ZNF398: variants seen among roughly 807,000 people sequenced by gnomAD.
The protein encoded by ZNF398 is zinc finger protein 398.
ZNF398 carries 18 observed loss-of-function variants against 41.9 expected under a neutral mutation model. The ratio of observed to expected loss-of-function variants is 0.43; its 90% confidence interval spans 0.30 to 0.64. The LOEUF is 0.64. Among genes scored for constraint, ZNF398 ranks in the 30% least tolerant of loss-of-function variants. ZNF398 has a pLI of 0.14. For missense variants in ZNF398, 669 were observed against 822.8 expected (o/e 0.81, Z 2.29); for synonymous variants, 260 against 308.8 (o/e 0.84, Z 1.66).
chr7:149,160,294 G>A (rs1372038487), intron 2 of ZNF398, among the ~76,000 whole-genome samples: 5 of 152,154 alleles, frequency 3.3e-5, no homozygotes, highest in Non-Finnish European at 7.3e-5. Flanking sequence ...AGCCAGATGT[G>A]GTGGTGGGGG....
At position 149,179,890 on chromosome 7, in the gene ZNF398, C is replaced by G. The variant is rs556123868; in HGVS notation, c.*89C>G. ...GTCTGTGAGCCCCATCCAACACCCACAGTAATTATTATCTGGCACATCAAT... is the reference window on the plus strand; with the variant it reads ...GTCTGTGAGCCCCATCCAACACCCAGAGTAATTATTATCTGGCACATCAAT... On this transcript the variant is annotated 3_prime_UTR_variant, in exon 6 of 6. Coordinates refer to ENST00000475153, the MANE Select transcript of ZNF398 (RefSeq NM_170686.3). The surrounding 1 kb of genome is among the most constrained non-coding windows in gnomAD (Gnocchi z 6.1). 3 of 1,220,104 alleles carry G rather than the reference C, an allele frequency of 2.5e-6. No homozygotes were observed. The highest frequency in any genetic ancestry group is 3.0e-5 in the African/African-American group (2 of 66,226). The allele number at this position is 1,220,104 out of a possible 1,614,324, so 75.6% of individuals were successfully genotyped here.
At chr7:149,173,069 G>T (rs1459753384) in intron 4 of ZNF398, among the ~76,000 whole-genome samples, 1 of 148,602 alleles carries the variant, frequency 6.7e-6, no homozygotes, top group East Asian at 2.0e-4. Context: ...GTTGCTAAAG[G>T]TTGGGGTGGC....
intron 4 of ZNF398, among the ~76,000 whole-genome samples, chr7:149,174,927 C>A (rs942255232): frequency 3.9e-5 from 6 of 152,094 alleles, no homozygotes; most frequent in Non-Finnish European, 7.3e-5. Context: ...CTTTCCCCCC[C>A]TCTGCCTTTT....
upstream of ZNF398, among the ~76,000 whole-genome samples, chr7:149,145,624 G>A (rs1052531055): frequency 1.3e-5 from 2 of 152,300 alleles, no homozygotes; most frequent in South Asian, 4.1e-4. Context: ...CCCCACAGAG[G>A]AATGGGATGA....
At chr7:149,140,878 A>C (rs1431905479) in intron 2 of ZNF398, among the ~76,000 whole-genome samples, 2 of 151,998 alleles carry the variant, frequency 1.3e-5, no homozygotes, top group Non-Finnish European at 1.5e-5. Context: ...TCTCTCTACC[A>C]AAAATTTAAA....
intron 2 of ZNF398, among the ~76,000 whole-genome samples, chr7:149,137,502 C>T (rs1826738478): frequency 6.6e-6 from 1 of 152,176 alleles, no homozygotes; most frequent in Non-Finnish European, 1.5e-5. Context: ...CCGCCTCAGC[C>T]TCCTGAGTAG....
intron 2 of ZNF398, among the ~76,000 whole-genome samples, chr7:149,162,839 C>T (rs972970223): frequency 6.6e-6 from 1 of 151,128 alleles, no homozygotes; most frequent in Non-Finnish European, 1.5e-5. Flanking sequence ...GGGCAGATCG[C>T]CTGAGGTCAG....
At chr7:149,165,298 A>G (rs1020182363) in intron 2 of ZNF398, among the ~76,000 whole-genome samples, 22 of 152,226 alleles carry the variant, frequency 1.4e-4, no homozygotes, top group Non-Finnish European at 2.9e-4. Context: ...CTAGAAGTCA[A>G]AAAGACATTG....
intron 2 of ZNF398, among the ~76,000 whole-genome samples, chr7:149,135,952 C>T (rs1339861806): frequency 6.6e-6 from 1 of 151,904 alleles, no homozygotes; most frequent in African/African-American, 2.4e-5. Flanking sequence ...ACTACGTCTC[C>T]AAAAACTAAT....
At chr7:149,146,322 C>T (rs1294311951), upstream of ZNF398, among the ~76,000 whole-genome samples, 1 of 152,100 alleles carries the variant, frequency 6.6e-6, no homozygotes, top group East Asian at 1.9e-4. Context: ...TCCACTTCCT[C>T]CAGCTTGGGC....
At chr7:149,132,150 T>A (rs1200765757) in intron 2 of ZNF398, among the ~76,000 whole-genome samples, 2 of 152,018 alleles carry the variant, frequency 1.3e-5, no homozygotes, top group Non-Finnish European at 2.9e-5. Flanking sequence ...CAGAAGAGGT[T>A]ATATCAATTT....
chr7:149,176,058 C>T (rs776860322), intron 4 of ZNF398, among the ~76,000 whole-genome samples: 1 of 152,006 alleles, frequency 6.6e-6, no homozygotes, highest in Non-Finnish European at 1.5e-5. Flanking sequence ...TGGGGCCGGG[C>T]GCGGTGGCTC....
chr7:149,171,606 A>G (rs1047625400), intron 4 of ZNF398, among the ~76,000 whole-genome samples: 12 of 151,722 alleles, frequency 7.9e-5, no homozygotes, highest in Admixed American at 7.2e-4. Context: ...TCCTGACCTC[A>G]TGATCCACCC....
At chr7:149,144,319 T>C (rs1373636991), upstream of ZNF398, among the ~76,000 whole-genome samples, 4 of 151,504 alleles carry the variant, frequency 2.6e-5, no homozygotes, top group Middle Eastern at 3.4e-3. Context: ...ACTTTACTAC[T>C]TTTTTTTTGG....
At chr7:149,158,876 T>C (rs370710589) in intron 2 of ZNF398, among the ~76,000 whole-genome samples, 1 of 150,838 alleles carries the variant, frequency 6.6e-6, no homozygotes, top group Non-Finnish European at 1.5e-5. Flanking sequence ...TTAAGAATAA[T>C]AGTAAAGGTA....
At chr7:149,138,989 C>T (rs1242929629) in intron 2 of ZNF398, among the ~76,000 whole-genome samples, 1 of 150,770 alleles carries the variant, frequency 6.6e-6, no homozygotes, top group Non-Finnish European at 1.5e-5. Context: ...TGACTCACTG[C>T]AACCTCTGCC....
intron 1 of ZNF398, chr7:149,148,555 A>G (rs1225354072): frequency 1.1e-6 from 1 of 884,306 alleles, no homozygotes; most frequent in Non-Finnish European, 1.4e-6. Context: ...TGACTGGGAA[A>G]AGGAGGAAGA....
At chr7:149,147,059 T>C (rs1329504360), upstream of ZNF398, 1 of 152,274 alleles carries the variant, frequency 6.6e-6, no homozygotes, top group Admixed American at 6.6e-5. This position sits in a 1 kb window ranked among gnomAD's most constrained non-coding sequence, Gnocchi z 5.6. Context: ...CCGTCACTCA[T>C]TCCACCCATA....
At chr7:149,165,284 C>CT (rs1795203885) in intron 2 of ZNF398, among the ~76,000 whole-genome samples, 1 of 152,074 alleles carries the variant, frequency 6.6e-6, no homozygotes, top group African/African-American at 2.4e-5. Flanking sequence ...CTGAGAAAGT[C>CT]TAACTAGAAG....
Sources: gnomAD v4.1 joint callset for allele counts (sites outside exome capture counted in the v4.1 genomes callset) on GRCh38, gnomAD v4.1.1 for gene constraint, Gnocchi (gnomAD v3.1) non-coding constraint, MANE v1.5 for transcripts, NCBI Gene and HGNC (gene_info 2026-07-23, HGNC 2026-07-21) for gene names.